The following ARHGAP10 variants were observed in gnomAD, a reference collection of about 807,000 sequenced individuals.
ARHGAP10 encodes rho GTPase-activating protein 10.
Under a neutral mutation model 108.6 loss-of-function variants are expected in ARHGAP10, and 87 were observed. That is an observed-to-expected ratio of 0.80 (90% CI 0.67 to 0.96). ARHGAP10 has a LOEUF of 0.96. ARHGAP10 is among the 40% of genes least tolerant of loss of function. ARHGAP10 has a pLI of 0.00. For missense variants in ARHGAP10, 939 were observed against 954.5 expected (o/e 0.98, Z 0.21); for synonymous variants, 347 against 341.1 (o/e 1.02, Z -0.19).
At chr4:147,838,907 C>CT (rs1266633571) in intron 3 of ARHGAP10, among the ~76,000 whole-genome samples, 2 of 152,114 alleles carry the variant, frequency 1.3e-5, no homozygotes, top group African/African-American at 4.8e-5. Context: ...TTTGTAATCT[C>CT]TAAGTATCTG....
At chr4:147,789,984 T>A (rs926939857) in intron 1 of ARHGAP10, among the ~76,000 whole-genome samples, 4 of 149,096 alleles carry the variant, frequency 2.7e-5, no homozygotes, top group African/African-American at 1.0e-4. Context: ...GGTGTGTTGG[T>A]GTGTGGATTT....
intron 4 of ARHGAP10, among the ~76,000 whole-genome samples, chr4:147,857,177 G>T (rs1385630135): frequency 6.6e-6 from 1 of 152,192 alleles, no homozygotes; most frequent in African/African-American, 2.4e-5. Flanking sequence ...TTCCACGTCT[G>T]TGCCAAAATC....
intron 9 of ARHGAP10, among the ~76,000 whole-genome samples, chr4:147,881,081 C>T (rs1735310144): frequency 1.3e-5 from 2 of 151,500 alleles, no homozygotes; most frequent in Admixed American, 6.6e-5. Context: ...TGAGACTGGC[C>T]TGGCCAACAT....
intron 19 of ARHGAP10, among the ~76,000 whole-genome samples, chr4:148,029,998 C>T (rs1163185871): frequency 6.6e-6 from 1 of 151,430 alleles, no homozygotes; most frequent in Non-Finnish European, 1.5e-5. Flanking sequence ...TCAGCATCCC[C>T]CCCCCCACCA....
chr4:147,965,774 G>T (rs1401711946), intron 17 of ARHGAP10, among the ~76,000 whole-genome samples: 1 of 152,130 alleles, frequency 6.6e-6, no homozygotes, highest in Non-Finnish European at 1.5e-5. Flanking sequence ...CCTTTCTTAG[G>T]TGCTAGTGGA....
chr4:147,977,907 T>C (rs1451115245), intron 18 of ARHGAP10, among the ~76,000 whole-genome samples: 1 of 152,168 alleles, frequency 6.6e-6, no homozygotes, highest in Non-Finnish European at 1.5e-5. Flanking sequence ...TGAAAACATG[T>C]AGTAGTTCGT....
chr4:148,005,942 C>G (rs113027493), intron 18 of ARHGAP10, among the ~76,000 whole-genome samples: 1 of 152,208 alleles, frequency 6.6e-6, no homozygotes, highest in African/African-American at 2.4e-5. Context: ...ATACATGTAT[C>G]TCTTAGTGCA....
intron 9 of ARHGAP10, 95 bp from the exon 10 acceptor site, chr4:147,881,743 T>G: frequency 9.4e-7 from 1 of 1,061,036 alleles, no homozygotes; most frequent in Non-Finnish European, 1.4e-6. Flanking sequence ...ACTTAAGATC[T>G]TGAACCTTGC....
intron 10 of ARHGAP10, among the ~76,000 whole-genome samples, chr4:147,905,213 C>T (rs1180537762): frequency 6.6e-6 from 1 of 152,048 alleles, no homozygotes; most frequent in Non-Finnish European, 1.5e-5. Context: ...GTTTCTTTTG[C>T]TGTGCAGAAG....
intron 1 of ARHGAP10, among the ~76,000 whole-genome samples, chr4:147,790,315 G>A (rs1314684282): frequency 6.6e-6 from 1 of 152,132 alleles, no homozygotes; most frequent in Non-Finnish European, 1.5e-5. Flanking sequence ...TCAACTCCCA[G>A]AGGTGCCACC....
chr4:147,807,180 G>A (rs1052628377), intron 1 of ARHGAP10, among the ~76,000 whole-genome samples: 11 of 151,016 alleles, frequency 7.3e-5, no homozygotes, highest in Non-Finnish European at 1.6e-4. Context: ...CTTGAGGTCT[G>A]TTCCCACCCC....
At chr4:147,764,731 C>T (rs1171647436) in intron 1 of ARHGAP10, among the ~76,000 whole-genome samples, 5 of 151,944 alleles carry the variant, frequency 3.3e-5, no homozygotes, top group Admixed American at 6.6e-5. Context: ...GACGGAGTTT[C>T]GCTATGTTAC....
At chr4:147,763,819 A>AT (rs1729687022) in intron 1 of ARHGAP10, among the ~76,000 whole-genome samples, 1 of 139,928 alleles carries the variant, frequency 7.1e-6, no homozygotes, top group Non-Finnish European at 1.5e-5. Flanking sequence ...CAGTGGCACC[A>AT]TCACGGCTCA....
chr4:147,941,247 A>G (rs1738154871), intron 14 of ARHGAP10, among the ~76,000 whole-genome samples: 1 of 152,092 alleles, frequency 6.6e-6, no homozygotes, highest in South Asian at 2.1e-4. Flanking sequence ...CATTATTTTT[A>G]TTATCATCTT....
At chr4:147,851,062 A>T (rs571286339) in intron 4 of ARHGAP10, among the ~76,000 whole-genome samples, 16 of 152,326 alleles carry the variant, frequency 1.1e-4, no homozygotes, top group African/African-American at 3.8e-4. Flanking sequence ...TGACAGGTGG[A>T]TGCAACTAAC....
At chr4:147,918,754 G>T (rs1737100471) in intron 13 of ARHGAP10, among the ~76,000 whole-genome samples, 1 of 152,218 alleles carries the variant, frequency 6.6e-6, no homozygotes, top group Non-Finnish European at 1.5e-5. Context: ...CTATGATTGA[G>T]TGAGAAAAGA....
At chr4:148,038,750 G>C (rs962172105) in intron 19 of ARHGAP10, among the ~76,000 whole-genome samples, 6 of 152,174 alleles carry the variant, frequency 3.9e-5, no homozygotes, top group African/African-American at 1.4e-4. Context: ...GGATATAGGG[G>C]CATGAGGTGG....
chr4:147,854,110 G>T (rs1020656149), intron 4 of ARHGAP10, among the ~76,000 whole-genome samples: 1 of 152,112 alleles, frequency 6.6e-6, no homozygotes, highest in Non-Finnish European at 1.5e-5. Context: ...GACCCAAAAT[G>T]CTGTTCTAAG....
chr4:147,823,024 C>A, intron 3 of ARHGAP10, 67 bp downstream of exon 3: 2 of 1,462,868 alleles, frequency 1.4e-6, no homozygotes, highest in Non-Finnish European at 1.9e-6. Flanking sequence ...GATTTGGAAG[C>A]TTGTTCTGGT....
Sources: gnomAD v4.1 joint callset for allele counts (sites outside exome capture counted in the v4.1 genomes callset) on GRCh38, gnomAD v4.1.1 for gene constraint, MANE v1.5 for transcripts, NCBI Gene and HGNC (gene_info 2026-07-23, HGNC 2026-07-21) for gene names.